The following RBFOX1 variants were observed in gnomAD, a reference collection of about 807,000 sequenced individuals.
RBFOX1 encodes the protein RNA binding protein fox-1 homolog 1.
RBFOX1 carries 8 observed loss-of-function variants against 57.7 expected under a neutral mutation model. The observed-to-expected ratio is 0.14, with a 90% confidence interval of 0.08 to 0.25. The LOEUF (loss-of-function observed/expected upper bound fraction) is 0.25. Among genes scored for constraint, RBFOX1 ranks in the 10% least tolerant of loss-of-function variants. The probability of loss-of-function intolerance (pLI) is 1.00; values close to 1 mark genes in which losing one functional copy is unlikely to be tolerated. For synonymous variants in RBFOX1, 326 were observed against 222.4 expected (o/e 1.47, Z -4.15); for missense variants, 611 against 548.5 (o/e 1.11, Z -1.14).
intron 4 of RBFOX1, among the ~76,000 whole-genome samples, chr16:7,208,986 C>A (rs1701403868): frequency 6.6e-6 from 1 of 151,988 alleles, no homozygotes; most frequent in Non-Finnish European, 1.5e-5. Flanking sequence ...TCCCTCTATG[C>A]ATGTCTGTGT....
At chr16:7,003,626 T>G (rs1043474473) in intron 3 of RBFOX1, among the ~76,000 whole-genome samples, 5 of 152,168 alleles carry the variant, frequency 3.3e-5, no homozygotes, top group Admixed American at 1.3e-4. Context: ...CCAGGAAAGT[T>G]TTGTTAGCTA....
At chr16:7,067,914 G>A (rs2056481071) in intron 4 of RBFOX1, among the ~76,000 whole-genome samples, 1 of 149,328 alleles carries the variant, frequency 6.7e-6, no homozygotes, top group Non-Finnish European at 1.5e-5. Context: ...TTTACTGGGT[G>A]TGAGCTGAGG....
At chr16:5,774,442 C>T (rs868522818) in intron 3 of RBFOX1, among the ~76,000 whole-genome samples, 11 of 152,234 alleles carry the variant, frequency 7.2e-5, no homozygotes, top group South Asian at 2.1e-4. Context: ...TTTAAACACA[C>T]AGGTAATGTC....
At chr16:6,661,246 G>T (rs148656059) in intron 3 of RBFOX1, among the ~76,000 whole-genome samples, 2 of 152,168 alleles carry the variant, frequency 1.3e-5, no homozygotes, top group Non-Finnish European at 2.9e-5. Flanking sequence ...AGTGTTGAAA[G>T]CTAACTCTCA....
chr16:5,372,338 T>C (rs978031370), intron 1 of RBFOX1, among the ~76,000 whole-genome samples: 1 of 152,042 alleles, frequency 6.6e-6, no homozygotes, highest in African/African-American at 2.4e-5. Flanking sequence ...CACCTCTTTC[T>C]CCCCCAATAA....
intron 3 of RBFOX1, among the ~76,000 whole-genome samples, chr16:7,005,533 C>G (rs1005498702): frequency 6.6e-6 from 1 of 152,142 alleles, no homozygotes; most frequent in East Asian, 1.9e-4. Flanking sequence ...GATAAGTGTT[C>G]TGTAATTTTT....
At chr16:6,944,673 A>G (rs767544446) in intron 3 of RBFOX1, among the ~76,000 whole-genome samples, 39 of 152,138 alleles carry the variant, frequency 2.6e-4, no homozygotes, top group Non-Finnish European at 4.3e-4. Flanking sequence ...AAGTGCAGGA[A>G]CCTGGGCTGA....
At chr16:7,435,878 G>C (rs764480602) in intron 4 of RBFOX1, among the ~76,000 whole-genome samples, 6 of 152,122 alleles carry the variant, frequency 3.9e-5, no homozygotes, top group South Asian at 2.1e-4. Context: ...GCTGGGGTAT[G>C]TGTGTGTGTG....
intron 2 of RBFOX1, among the ~76,000 whole-genome samples, chr16:6,572,993 G>A (rs894816513): frequency 6.6e-6 from 1 of 152,160 alleles, no homozygotes; most frequent in Non-Finnish European, 1.5e-5. Flanking sequence ...TTGAACTCAA[G>A]TCTAGTCAGG....
At chr16:5,972,163 G>A (rs1418388743) in intron 4 of RBFOX1, among the ~76,000 whole-genome samples, 8 of 152,136 alleles carry the variant, frequency 5.3e-5, no homozygotes, top group East Asian at 1.9e-4. Flanking sequence ...CCATAATTGT[G>A]TGAGCCAATT....
chr16:5,441,761 A>C (rs1243754481), intron 1 of RBFOX1, among the ~76,000 whole-genome samples: 1 of 152,190 alleles, frequency 6.6e-6, no homozygotes, highest in East Asian at 1.9e-4. Context: ...GTCCTTCTTC[A>C]CATGGCAGCA....
At chr16:5,325,677 C>A (rs896629140) in intron 1 of RBFOX1, among the ~76,000 whole-genome samples, 20 of 152,104 alleles carry the variant, frequency 1.3e-4, no homozygotes, top group Non-Finnish European at 4.4e-5. Context: ...TAAATGAAAC[C>A]ATGTAGTATG....
At chr16:6,892,294 C>T (rs1219426634) in intron 3 of RBFOX1, among the ~76,000 whole-genome samples, 1 of 152,100 alleles carries the variant, frequency 6.6e-6, no homozygotes, top group Non-Finnish European at 1.5e-5. Flanking sequence ...GACTCTTCGA[C>T]CGTAAAGTAC....
At position 7,366,219 on chromosome 16, in the gene RBFOX1, C is replaced by A. The variant is rs564219687; in HGVS notation, c.28-151928C>A. On this transcript the variant is annotated intron_variant, in intron 4 of 15. Transcript: ENST00000550418. Reference sequence around the variant, plus strand: ...CTGCCACCCCATTGGTGTCTGCTGCCATTGCATGTTCTCTTATTGCCAGGA... The same window carrying A: ...CTGCCACCCCATTGGTGTCTGCTGCAATTGCATGTTCTCTTATTGCCAGGA... Among the ~76,000 whole-genome samples, 34 of 152,330 alleles carry A rather than the reference C, an allele frequency of 2.2e-4. No individual in the cohort carries two copies. The Middle Eastern group carries it at 0.01, about 46-fold the overall frequency.
chr16:6,303,606 T>C (rs2079086318), intron 1 of RBFOX1, among the ~76,000 whole-genome samples: 1 of 152,078 alleles, frequency 6.6e-6, no homozygotes, highest in Non-Finnish European at 1.5e-5. Flanking sequence ...TTTATGCCAT[T>C]GTGTATTGTT....
At chr16:5,409,426 G>A (rs1321660947) in intron 1 of RBFOX1, among the ~76,000 whole-genome samples, 7 of 152,158 alleles carry the variant, frequency 4.6e-5, no homozygotes, top group Non-Finnish European at 2.9e-5. Context: ...GGTCTCCGGA[G>A]GCTTTTTCCC....
intron 2 of RBFOX1, among the ~76,000 whole-genome samples, chr16:6,545,477 G>A (rs775200551): frequency 2.0e-5 from 3 of 152,198 alleles, no homozygotes; most frequent in African/African-American, 4.8e-5. Context: ...CCTTGGAGAC[G>A]TGTGCCTCTC....
At chr16:6,045,633 T>G (rs2095487637) in intron 1 of RBFOX1, among the ~76,000 whole-genome samples, 1 of 152,222 alleles carries the variant, frequency 6.6e-6, no homozygotes, top group African/African-American at 2.4e-5. Flanking sequence ...GTTCTTGACC[T>G]TGGCTATTCC....
At chr16:6,791,887 T>C (rs756452375) in intron 3 of RBFOX1, among the ~76,000 whole-genome samples, 3 of 152,210 alleles carry the variant, frequency 2.0e-5, no homozygotes, top group Non-Finnish European at 4.4e-5. Flanking sequence ...TTAATAACTT[T>C]ATATGTGTTA....
Sources: gnomAD v4.1 joint callset for allele counts (sites outside exome capture counted in the v4.1 genomes callset) on GRCh38, gnomAD v4.1.1 for gene constraint, MANE v1.5 for transcripts, NCBI Gene and HGNC (gene_info 2026-07-23, HGNC 2026-07-21) for gene names.